The following PRRX1 variants were observed in gnomAD, a reference collection of about 807,000 sequenced individuals.
PRRX1 encodes the protein paired mesoderm homeobox protein 1.
PRRX1 carries 8 observed loss-of-function variants against 24.0 expected under a neutral mutation model. The ratio of observed to expected loss-of-function variants is 0.33; its 90% CI spans 0.20 to 0.60. The LOEUF (loss-of-function observed/expected upper bound fraction) is 0.60. Ranked by LOEUF, PRRX1 falls within the 20% of genes least tolerant of loss-of-function variation. The probability of loss-of-function intolerance (pLI) is 0.82; values close to 1 mark genes in which losing one functional copy is unlikely to be tolerated. For synonymous variants in PRRX1, 160 were observed against 131.7 expected, an observed-to-expected ratio of 1.22 and a Z score of -1.47; for missense variants, 281 against 322.4, an observed-to-expected ratio of 0.87 and a Z score of 0.98.
chr1:170,734,155 C>T (rs16863534), intron 3 of PRRX1, among the ~76,000 whole-genome samples: 1,719 of 151,820 alleles, frequency 0.011, 39 homozygotes, highest in African/African-American at 0.039. Flanking sequence ...ACTGACTTTG[C>T]CCTTTCTATT....
chr1:170,680,319 T>C (rs1653468104), intron 1 of PRRX1, among the ~76,000 whole-genome samples: 1 of 152,100 alleles, frequency 6.6e-6, no homozygotes, highest in Non-Finnish European at 1.5e-5. Flanking sequence ...TTTAGAAAAC[T>C]TGAAGGAAGA....
intron 1 of PRRX1, among the ~76,000 whole-genome samples, chr1:170,703,250 G>A (rs12080432): frequency 2.6e-5 from 4 of 152,146 alleles, no homozygotes; most frequent in Non-Finnish European, 4.4e-5. Context: ...TTGGTTCTAC[G>A]AATGTCAAGT....
In PRRX1 at chr1:170,665,805, T is replaced by A. The variant is rs374438754; in HGVS notation, c.241+1346T>A. On this transcript the variant is annotated intron_variant, in intron 1 of 3. Transcript: ENST00000239461. The stretch of plus-strand genomic sequence containing the variant: ...TCCTTAGTTCCGGCCTGGGCGCCCC[T>A]GGGTGTTTTTAGCCAAAAGCGGCCT... Among the ~76,000 whole-genome samples the A allele has an allele frequency of 2.8e-4, 43 of 152,328 alleles. No homozygotes were observed. In the East Asian group the frequency reaches 7.4e-3, roughly 26 times the overall value.
intron 1 of PRRX1, among the ~76,000 whole-genome samples, chr1:170,694,631 G>A (rs1045122459): frequency 1.7e-4 from 26 of 152,092 alleles, no homozygotes; most frequent in African/African-American, 5.1e-4. Flanking sequence ...AGTATTTACC[G>A]CTGTTTTAAG....
chr1:170,672,032 T>C (rs150606226), intron 1 of PRRX1, among the ~76,000 whole-genome samples: 2 of 152,274 alleles, frequency 1.3e-5, no homozygotes, highest in Admixed American at 6.5e-5. Flanking sequence ...CATAGAGTTT[T>C]AGGCCCTGGG....
rs143808991 is a variant in PRRX1, at chr1:170,666,262, A to G, written c.241+1803A>G. Among the ~76,000 whole-genome samples the G allele has an allele frequency of 4.0e-3, 602 of 152,000 alleles. 1 individual carries two copies. Among genetic ancestry groups the G allele is most frequent in the African/African-American group, 0.014 (566 of 41,456 alleles). On this transcript the variant is annotated intron_variant, in intron 1 of 3. Transcript: ENST00000239461. Reference sequence around the variant, plus strand: ...GGTGAAACCCCTCTCTCCTAAAAATACAAAAATTAGCCGGGCGTAGTGCCG... The same window carrying G: ...GGTGAAACCCCTCTCTCCTAAAAATGCAAAAATTAGCCGGGCGTAGTGCCG...
In PRRX1 at chr1:170,702,431, T is replaced by C. The variant is rs148472521; in HGVS notation, c.242-17295T>C. On this transcript the variant is annotated intron_variant, in intron 1 of 3. Coordinates refer to ENST00000239461, the MANE Select transcript of PRRX1 (RefSeq NM_022716.4). Reference sequence around the variant, plus strand: ...AATAACCACAATTGTACTCTCTACTTGGAAGAACTTTTAAGAAGTGGGTTT... The same window carrying C: ...AATAACCACAATTGTACTCTCTACTCGGAAGAACTTTTAAGAAGTGGGTTT... Among the ~76,000 whole-genome samples, 168 of 152,278 alleles carry C rather than the reference T, an allele frequency of 1.1e-3. 2 individuals carry two copies. The highest frequency in any genetic ancestry group is 4.0e-3 in the African/African-American group (166 of 41,568).
intron 2 of PRRX1, among the ~76,000 whole-genome samples, chr1:170,721,827 A>T (rs1451622391): frequency 6.6e-6 from 1 of 152,088 alleles, no homozygotes; most frequent in African/African-American, 2.4e-5. Context: ...TCTCCTCAAA[A>T]ACCCCATGTC....
intron 1 of PRRX1, among the ~76,000 whole-genome samples, chr1:170,670,257 A>G (rs1653102976): frequency 6.6e-6 from 1 of 152,180 alleles, no homozygotes; most frequent in East Asian, 1.9e-4. Context: ...ACAGCAATAT[A>G]TTAATAAAGA....
chr1:170,680,046 G>A (rs1389742393), intron 1 of PRRX1, among the ~76,000 whole-genome samples: 1 of 152,114 alleles, frequency 6.6e-6, no homozygotes, highest in African/African-American at 2.4e-5. Flanking sequence ...CTATCCAAAT[G>A]TATCATTTAA....
chr1:170,718,598 T>G (rs1654977903), intron 1 of PRRX1, among the ~76,000 whole-genome samples: 1 of 152,222 alleles, frequency 6.6e-6, no homozygotes, highest in East Asian at 1.9e-4. Context: ...CATAATTTTC[T>G]TTGGGCTGAG....
intron 1 of PRRX1, among the ~76,000 whole-genome samples, chr1:170,665,332 T>C (rs779441995): frequency 6.6e-6 from 1 of 152,110 alleles, no homozygotes; most frequent in Non-Finnish European, 1.5e-5. Flanking sequence ...TCGCGACCCA[T>C]GAAAATCTCG....
chr1:170,700,147 C>T (rs1654305736), intron 1 of PRRX1, among the ~76,000 whole-genome samples: 1 of 152,010 alleles, frequency 6.6e-6, no homozygotes, highest in Non-Finnish European at 1.5e-5. Flanking sequence ...AAATGAAACA[C>T]CATATTCAAT....
intron 1 of PRRX1, among the ~76,000 whole-genome samples, chr1:170,691,219 A>G (rs1364842961): frequency 6.6e-6 from 1 of 152,188 alleles, no homozygotes; most frequent in African/African-American, 2.4e-5. Context: ...GAAATAAAGC[A>G]GATGGGTTGC....
chr1:170,736,267 CT>C lies in PRRX1; in HGVS notation c.*82del. On this transcript the variant is annotated 3_prime_UTR_variant, in exon 4 of 4. Coordinates refer to ENST00000239461, the MANE Select transcript of PRRX1 (RefSeq NM_022716.4). ...TCCTGCTCTGTTATTTCTTCATCTG[CT>C]GGGGGGAAAAAGTAAATTACAAACA... 6.4e-7 allele frequency: 1 copy of C among 1,555,262 alleles called. No individual in the cohort carries two copies. The highest frequency in any genetic ancestry group is 8.8e-7 in the Non-Finnish European group (1 of 1,133,660).
At chr1:170,687,887 G>T (rs897009563) in intron 1 of PRRX1, among the ~76,000 whole-genome samples, 1 of 152,114 alleles carries the variant, frequency 6.6e-6, no homozygotes, top group African/African-American at 2.4e-5. Context: ...AGACACCGGG[G>T]TCAAAGAGCA....
intron 1 of PRRX1, among the ~76,000 whole-genome samples, chr1:170,717,151 T>G (rs1449300697): frequency 6.6e-6 from 1 of 152,240 alleles, no homozygotes; most frequent in East Asian, 1.9e-4. Context: ...AGTGTTTTCA[T>G]TTGTTAAAAA....
intron 1 of PRRX1, among the ~76,000 whole-genome samples, chr1:170,697,733 CATATATAA>C (rs1558052601): frequency 1.4e-5 from 2 of 142,608 alleles, no homozygotes; most frequent in African/African-American, 2.7e-5. Flanking sequence ...TAAATATATA[CATATATAA>C]ATATATATAC....
At chr1:170,674,754 A>T (rs887857780) in intron 1 of PRRX1, among the ~76,000 whole-genome samples, 1 of 151,772 alleles carries the variant, frequency 6.6e-6, no homozygotes, top group African/African-American at 2.4e-5. Flanking sequence ...CTTTAGCTGC[A>T]AGTAATTTTG....
Sources: gnomAD v4.1 joint callset for allele counts (sites outside exome capture counted in the v4.1 genomes callset) on GRCh38, gnomAD v4.1.1 for gene constraint, MANE v1.5 for transcripts, NCBI Gene and HGNC (gene_info 2026-07-23, HGNC 2026-07-21) for gene names.